ZC3H3: variants seen among roughly 807,000 people sequenced by gnomAD.
The protein encoded by ZC3H3 is zinc finger CCCH-type containing 3.
ZC3H3 carries 36 observed loss-of-function variants against 77.3 expected under a neutral mutation model. The observed-to-expected ratio is 0.47, with a 90% confidence interval of 0.36 to 0.61. ZC3H3 has a LOEUF of 0.61. Ranked by LOEUF, ZC3H3 falls within the 20% of genes least tolerant of loss-of-function variation. The probability of loss-of-function intolerance (pLI) is 0.00; values close to 1 mark genes in which losing one functional copy is unlikely to be tolerated. For synonymous variants in ZC3H3, 626 were observed against 555.2 expected (o/e 1.13, Z -1.79); for missense variants, 1,331 against 1,312.2 (o/e 1.01, Z -0.22).
intron 3 of ZC3H3, among the ~76,000 whole-genome samples, chr8:143,535,591 C>A (rs1376854319): frequency 6.6e-6 from 1 of 152,244 alleles, no homozygotes; most frequent in Non-Finnish European, 1.5e-5. Flanking sequence ...CCCCCAACCA[C>A]GTGCCCGCCT....
At position 143,530,023 on chromosome 8, in the gene ZC3H3, C is replaced by T. The variant is rs1486238890; in HGVS notation, c.1561+6234G>A. ...GCAAATGCTGACAGCAGTTCCTCCACACCCAGGGGCGGGCACGGCAGACTG... is the reference window on the plus strand; with the variant it reads ...GCAAATGCTGACAGCAGTTCCTCCATACCCAGGGGCGGGCACGGCAGACTG... On this transcript the variant is annotated intron_variant, in intron 3 of 11. Coordinates refer to ENST00000262577, the MANE Select transcript of ZC3H3 (RefSeq NM_015117.3). This position sits in a 1 kb window ranked among gnomAD's most constrained non-coding sequence, Gnocchi z 4.3. Among the ~76,000 whole-genome samples the T allele has an allele frequency of 7.2e-5, 11 of 152,244 alleles. No individual in the cohort carries two copies. Among genetic ancestry groups the T allele is most frequent in the Admixed American group, 7.2e-4 (11 of 15,280 alleles).
At chr8:143,465,923 C>A in intron 8 of ZC3H3, 75 bp from the exon 9 acceptor site, 3 of 1,523,866 alleles carry the variant, frequency 2.0e-6, no homozygotes, top group Non-Finnish European at 2.6e-6. Flanking sequence ...TGGGGACCCT[C>A]CTACGGCCCC....
chr8:143,469,906 A>T (rs4873795), intron 5 of ZC3H3, among the ~76,000 whole-genome samples: 19,131 of 152,272 alleles, frequency 0.13, 1,251 homozygotes, highest in South Asian at 0.18. Context: ...TAAGAGGCAG[A>T]GGTGACATCA....
rs746383 is a variant in ZC3H3 at position 143,533,025 on chromosome 8, C to T, written c.1561+3232G>A. Among the ~76,000 whole-genome samples, 89,174 of 151,390 alleles carry T rather than the reference C, an allele frequency of 0.59. 26,445 individuals carry two copies. Among genetic ancestry groups the T allele is most frequent in the South Asian group, 0.72 (3,438 of 4,806 alleles). On this transcript the variant is annotated intron_variant, in intron 3 of 11. Coordinates refer to ENST00000262577, the MANE Select transcript of ZC3H3 (RefSeq NM_015117.3). The surrounding 1 kb of genome is among the most constrained non-coding windows in gnomAD (Gnocchi z 4.0). ...TTGGCCTGGCGTCAGTGGCCTCACG[C>T]ACAGGTCCTCCCGACTCTGCCCACT...
chr8:143,500,374 G>A (rs1048550690), intron 4 of ZC3H3, among the ~76,000 whole-genome samples: 1 of 152,228 alleles, frequency 6.6e-6, no homozygotes, highest in African/African-American at 2.4e-5. Context: ...CCCCTTTGGT[G>A]TCTAGGACCT....
At chr8:143,515,289 C>T (rs1003512207) in intron 3 of ZC3H3, among the ~76,000 whole-genome samples, 1 of 152,256 alleles carries the variant, frequency 6.6e-6, no homozygotes, top group African/African-American at 2.4e-5. Flanking sequence ...GCACTCCCCC[C>T]GCTGCAACGC....
Position 143,507,751 on chromosome 8 carries a change from T to C in ZC3H3, c.1710A>G (p.Leu570=), listed in dbSNP as rs369177047. 2 of 1,574,574 alleles carry C rather than the reference T, an allele frequency of 1.3e-6. No individual in the cohort carries two copies. Among genetic ancestry groups the C allele is most frequent in the South Asian group, 1.1e-5 (1 of 88,854 alleles). ...CCTGCAGGAAGCCTTCCTACCTGGA[T>C]AGTGAGAGCCGCCGGGCCCGCCAGG... ...LPSWRARRLS[L]SRSLVLNRLR... The change falls in exon 4 of 12, where the codon CTA becomes CTG. Residue 570 remains leucine (L), a synonymous_variant. Transcript: ENST00000262577.
intron 3 of ZC3H3, among the ~76,000 whole-genome samples, chr8:143,512,263 C>T (rs1418232520): frequency 1.3e-5 from 2 of 152,250 alleles, no homozygotes; most frequent in Non-Finnish European, 2.9e-5. Flanking sequence ...GGCCCCCCAT[C>T]CCTAATTCCT....
rs1350471546 is a variant in ZC3H3, at chr8:143,468,648, G to T, written c.1915C>A (p.Pro639Thr). ...AGGGAACGGCTACAGCTGCCTGCAG[G>T]ATCCAGCCGGCCTGTGGGGGAGAGA... ...RPLLRTGRLD[P>T]AGSCSRSLAS... The change falls in exon 6 of 12, where the codon CCT (proline) becomes ACT (threonine). Residue 639 changes from proline to threonine, a missense_variant. This residue lies in a region of ZC3H3 where 978 missense variants were observed against 915.5 expected (regional missense o/e 1.07). Coordinates refer to ENST00000262577, the MANE Select transcript of ZC3H3 (RefSeq NM_015117.3). The T allele has an allele frequency of 1.3e-6, 2 of 1,551,396 alleles. No homozygotes were observed. The highest frequency in any genetic ancestry group is 1.4e-5 in the African/African-American group (1 of 73,100).
At chr8:143,513,078 G>A (rs1475824735) in intron 3 of ZC3H3, among the ~76,000 whole-genome samples, 3 of 152,064 alleles carry the variant, frequency 2.0e-5, no homozygotes, top group Admixed American at 6.5e-5. Flanking sequence ...CGGGGGGCGT[G>A]GGAGGAGAGC....
chr8:143,443,974 CTTT>C (rs11316822), intron 9 of ZC3H3, among the ~76,000 whole-genome samples: 6 of 137,738 alleles, frequency 4.4e-5, no homozygotes, highest in Admixed American at 7.2e-5. Context: ...TCTTTTTTTC[CTTT>C]TTTTTTTTTT....
intron 3 of ZC3H3, among the ~76,000 whole-genome samples, chr8:143,515,513 C>T (rs1257963269): frequency 2.0e-5 from 3 of 152,264 alleles, no homozygotes; most frequent in Non-Finnish European, 4.4e-5. Context: ...AGGCTCTCCC[C>T]ACGAACGGGC....
chr8:143,513,517 G>A (rs1238088003), intron 3 of ZC3H3, among the ~76,000 whole-genome samples: 1 of 152,224 alleles, frequency 6.6e-6, no homozygotes, highest in East Asian at 1.9e-4. Flanking sequence ...GACAGTGGCT[G>A]ATGGCGCTCT....
chr8:143,467,174 T>C (rs554230293), intron 8 of ZC3H3, among the ~76,000 whole-genome samples: 4 of 152,284 alleles, frequency 2.6e-5, no homozygotes, highest in Middle Eastern at 3.4e-3. Flanking sequence ...GTTTTTGATA[T>C]AGAGCCCAAA....
intron 4 of ZC3H3, among the ~76,000 whole-genome samples, chr8:143,496,522 C>T (rs537306246): frequency 6.6e-6 from 1 of 152,338 alleles, no homozygotes; most frequent in South Asian, 2.1e-4. Context: ...GAGCAGATTA[C>T]AGCCTATCAA....
At chr8:143,522,572 T>G (rs1822282416) in intron 3 of ZC3H3, among the ~76,000 whole-genome samples, 1 of 150,646 alleles carries the variant, frequency 6.6e-6, no homozygotes, top group African/African-American at 2.4e-5. Context: ...CGCTGCACAC[T>G]CCAGCCTAGG....
At chr8:143,438,228 G>C in intron 11 of ZC3H3, 141 bp from the exon 12 acceptor site, 3 of 1,082,056 alleles carry the variant, frequency 2.8e-6, no homozygotes, top group Non-Finnish European at 4.1e-6. Flanking sequence ...ATACCCTCCT[G>C]AGTTCGAGGG....
At chr8:143,468,012 G>C (rs1421685514) in intron 8 of ZC3H3, among the ~76,000 whole-genome samples, 197 bp downstream of exon 8, 1 of 152,194 alleles carries the variant, frequency 6.6e-6, no homozygotes, top group African/African-American at 2.4e-5. Flanking sequence ...TATCAGCGCT[G>C]CTTTCCGGGG....
chr8:143,536,142 C>T, intron 3 of ZC3H3, 115 bp downstream of exon 3: 2 of 1,315,886 alleles, frequency 1.5e-6, no homozygotes, highest in Non-Finnish European at 2.0e-6. Context: ...AGTGCCCTCC[C>T]AGCCAGGGCC....
Sources: gnomAD v4.1 joint callset for allele counts (sites outside exome capture counted in the v4.1 genomes callset) on GRCh38, gnomAD v4.1.1 for gene constraint, gnomAD v4.1.1 regional missense constraint, Gnocchi (gnomAD v3.1) non-coding constraint, MANE v1.5 for transcripts, NCBI Gene and HGNC (gene_info 2026-07-23, HGNC 2026-07-21) for gene names.